The following PCMTD1 variants were observed in gnomAD, a reference collection of about 807,000 sequenced individuals.
The protein encoded by PCMTD1 is protein-L-isoaspartate (D-aspartate) O-methyltransferase domain containing 1.
Under a neutral mutation model 37.6 loss-of-function variants are expected in PCMTD1, and 12 were observed. That is an observed-to-expected ratio of 0.32 (90% CI 0.20 to 0.52). The LOEUF is 0.52. Ranked by LOEUF, PCMTD1 falls within the 20% of genes least tolerant of loss-of-function variation. The pLI is 0.97. For missense variants in PCMTD1, 235 were observed against 421.3 expected (o/e 0.56, Z 3.87); for synonymous variants, 117 against 135.8 (o/e 0.86, Z 0.96).
intron 5 of PCMTD1, among the ~76,000 whole-genome samples, chr8:51,821,948 G>C (rs1043979344): frequency 1.3e-5 from 2 of 152,122 alleles, no homozygotes; most frequent in African/African-American, 4.8e-5. Context: ...TGTTAGTCAG[G>C]ATGGTCTCAA....
chr8:51,848,178 G>A (rs897813339), intron 2 of PCMTD1, among the ~76,000 whole-genome samples: 27 of 151,466 alleles, frequency 1.8e-4, no homozygotes, highest in African/African-American at 6.3e-4. Flanking sequence ...TGCATAGATA[G>A]GAGTTCAATT....
chr8:51,847,937 C>T (rs1329537125), intron 2 of PCMTD1, among the ~76,000 whole-genome samples: 2 of 151,738 alleles, frequency 1.3e-5, no homozygotes, highest in Non-Finnish European at 2.9e-5. Flanking sequence ...AAAAAGTAGC[C>T]GGGCTTAGTG....
chr8:51,850,345 T>C (rs1236215991), intron 2 of PCMTD1, among the ~76,000 whole-genome samples: 1 of 152,194 alleles, frequency 6.6e-6, no homozygotes, highest in Non-Finnish European at 1.5e-5. Flanking sequence ...ATAACCTACA[T>C]AAGGGGTTCT....
chr8:51,855,523 ACT>A (rs940583663), intron 2 of PCMTD1, among the ~76,000 whole-genome samples: 7 of 151,066 alleles, frequency 4.6e-5, no homozygotes, highest in Non-Finnish European at 8.9e-5. Flanking sequence ...ACAGGGTGAG[ACT>A]CTGTCTCAAA....
chr8:51,888,279 A>T (rs922980552), intron 1 of PCMTD1, among the ~76,000 whole-genome samples: 2 of 152,212 alleles, frequency 1.3e-5, no homozygotes, highest in African/African-American at 4.8e-5. Flanking sequence ...AGGATATAGT[A>T]GCAGATTCAA....
intron 5 of PCMTD1, among the ~76,000 whole-genome samples, chr8:51,822,234 G>T (rs35038146): frequency 0.062 from 9,374 of 152,176 alleles, 378 homozygotes; most frequent in Non-Finnish European, 0.087. Context: ...GGAATATTTT[G>T]GTAATCCACT....
chr8:51,829,994 G>C (rs1020114043), intron 5 of PCMTD1, among the ~76,000 whole-genome samples: 1 of 152,078 alleles, frequency 6.6e-6, no homozygotes, highest in African/African-American at 2.4e-5. Flanking sequence ...TATGATCTAA[G>C]TCAAACCAAT....
intron 5 of PCMTD1, among the ~76,000 whole-genome samples, chr8:51,830,119 T>G (rs2037978599): frequency 6.6e-6 from 1 of 152,182 alleles, no homozygotes; most frequent in Non-Finnish European, 1.5e-5. Context: ...GACCCTAGTT[T>G]GCCCCCACCA....
At chr8:51,836,213 G>C (rs1228695491) in intron 3 of PCMTD1, among the ~76,000 whole-genome samples, 1 of 152,180 alleles carries the variant, frequency 6.6e-6, no homozygotes, top group African/African-American at 2.4e-5. Context: ...ACAATCTAGA[G>C]CTGCACTATC....
At position 51,863,805 on chromosome 8, in the gene PCMTD1, T is replaced by C. The variant is rs778087946; in HGVS notation, c.-95-2559A>G. On this transcript the variant is annotated intron_variant, in intron 1 of 5. Coordinates refer to ENST00000522514, the MANE Select transcript of PCMTD1 (RefSeq NM_052937.4). ...AGCTGGGTGTGGTGGCACACAGCTG[T>C]AGTCCCAGCTACTCGGGAAGCTGAG... is the stretch of plus-strand genomic sequence containing the variant. Among the ~76,000 whole-genome samples, 44 of 152,010 alleles carry C rather than the reference T, an allele frequency of 2.9e-4. 1 individual carries two copies. Among genetic ancestry groups the C allele is most frequent in the Non-Finnish European group, 4.9e-4 (33 of 68,012 alleles).
At chr8:51,832,773 G>A (rs993451790) in intron 4 of PCMTD1, among the ~76,000 whole-genome samples, 47 of 151,932 alleles carry the variant, frequency 3.1e-4, no homozygotes, top group African/African-American at 9.6e-4. Flanking sequence ...GAGTCTATTC[G>A]GTACTAATGA....
At chr8:51,887,046 T>C (rs1232036555) in intron 1 of PCMTD1, among the ~76,000 whole-genome samples, 1 of 152,104 alleles carries the variant, frequency 6.6e-6, no homozygotes, top group East Asian at 1.9e-4. Context: ...TTTTCTGCTG[T>C]CTCTCTGGTT....
chr8:51,820,055 G>A lies in PCMTD1; in HGVS notation c.*296C>T, dbSNP rs1186804417. 1.0e-5 allele frequency: 2 copies of A among 196,478 alleles called. No individual in the cohort carries two copies. Among genetic ancestry groups the A allele is most frequent in the Non-Finnish European group, 2.0e-5 (2 of 98,118 alleles). The allele number at this position is 196,478 out of a possible 1,614,324, so 12.2% of individuals were successfully genotyped here. A position where few individuals can be genotyped will look rare whatever the true frequency, so the allele number is the denominator to read the frequency against. On this transcript the variant is annotated 3_prime_UTR_variant, in exon 6 of 6. Transcript: ENST00000522514. ...ATCTAAACCTCATCACTACAAATCT[G>A]TAAGGAATCAGAAAAGGATTTATAG... is the stretch of plus-strand genomic sequence containing the variant.
At chr8:51,878,504 T>A (rs1399810383) in intron 1 of PCMTD1, among the ~76,000 whole-genome samples, 2 of 152,152 alleles carry the variant, frequency 1.3e-5, no homozygotes, top group Non-Finnish European at 2.9e-5. Flanking sequence ...CCCAGCACTT[T>A]GGGAGGCTGA....
intron 2 of PCMTD1, among the ~76,000 whole-genome samples, chr8:51,857,783 A>T (rs900700813): frequency 3.9e-5 from 6 of 152,214 alleles, no homozygotes; most frequent in Non-Finnish European, 2.9e-5. Context: ...GATAAAAGTA[A>T]ATTTATGAAT....
intron 3 of PCMTD1, among the ~76,000 whole-genome samples, chr8:51,838,805 C>G (rs1297486801): frequency 6.6e-6 from 1 of 152,112 alleles, no homozygotes; most frequent in Non-Finnish European, 1.5e-5. Context: ...CGAAAGTTCT[C>G]AGTTTATCAC....
intron 3 of PCMTD1, among the ~76,000 whole-genome samples, chr8:51,838,723 A>T (rs1343338426): frequency 6.6e-6 from 1 of 152,166 alleles, no homozygotes; most frequent in Admixed American, 6.6e-5. Context: ...ATAAACCTAT[A>T]GAGGTAAAGG....
At chr8:51,889,634 A>C (rs146651535) in intron 1 of PCMTD1, among the ~76,000 whole-genome samples, 141 of 152,340 alleles carry the variant, frequency 9.3e-4, no homozygotes, top group African/African-American at 3.2e-3. Flanking sequence ...AATGGGAATA[A>C]CAATACTTTC....
intron 3 of PCMTD1, chr8:51,839,772 A>T (rs956542878): frequency 6.7e-6 from 2 of 296,504 alleles, no homozygotes; most frequent in African/African-American, 4.5e-5. Context: ...GGAATAGAGA[A>T]ATTTCAAGGA....
Sources: allele counts gnomAD v4.1 joint callset (sites outside exome capture counted in the v4.1 genomes callset), GRCh38; gene constraint gnomAD v4.1.1; transcripts MANE v1.5; gene names NCBI Gene and HGNC (gene_info 2026-07-23, HGNC 2026-07-21).